The following GRM5 variants were observed in gnomAD, a reference collection of about 807,000 sequenced individuals.
GRM5 encodes metabotropic glutamate receptor 5.
GRM5 carries 19 observed loss-of-function variants against 83.1 expected under a neutral mutation model. The observed-to-expected ratio is 0.23, with a 90% confidence interval of 0.16 to 0.34. The LOEUF (loss-of-function observed/expected upper bound fraction) is 0.34, where lower values mean the gene tolerates loss of function less well. Among genes scored for constraint, GRM5 ranks in the 10% least tolerant of loss-of-function variants. The probability of loss-of-function intolerance (pLI) is 1.00; values close to 1 mark genes in which losing one functional copy is unlikely to be tolerated. For synonymous variants in GRM5, 675 were observed against 633.6 expected (o/e 1.07, Z -0.98); for missense variants, 1,160 against 1,588.3 (o/e 0.73, Z 4.58).
At chr11:88,775,873 C>G (rs1224835525) in intron 3 of GRM5, among the ~76,000 whole-genome samples, 1 of 150,530 alleles carries the variant, frequency 6.6e-6, no homozygotes, top group East Asian at 1.9e-4. Flanking sequence ...TGTGGTCAAT[C>G]TTAGAATAAG....
intron 7 of GRM5, among the ~76,000 whole-genome samples, chr11:88,577,238 A>G (rs1207180027): frequency 1.3e-5 from 2 of 152,000 alleles, no homozygotes; most frequent in Non-Finnish European, 2.9e-5. Context: ...TTCCAAGCCT[A>G]TTTGTTCCTA....
rs373254119 is a variant in GRM5 at position 88,505,851 on chromosome 11, A to G, written c.*2741T>C. On this transcript the variant is annotated 3_prime_UTR_variant, in exon 10 of 10. Transcript: ENST00000305447. The stretch of plus-strand genomic sequence containing the variant: ...ATTGTTTTGAAGGAAATTCAATGAG[A>G]ATGTACCCAAATGAATTGTGAAGTT... 12 of 152,326 alleles carry G rather than the reference A, an allele frequency of 7.9e-5. No individual in the cohort carries two copies. In the East Asian group the frequency reaches 2.3e-3, roughly 29 times the overall value. 9.4% of individuals were successfully genotyped at this position (152,326 alleles called of 1,614,324 possible).
intron 2 of GRM5, among the ~76,000 whole-genome samples, chr11:88,944,667 A>G (rs1938217307): frequency 1.3e-5 from 2 of 152,024 alleles, no homozygotes; most frequent in East Asian, 1.9e-4. Context: ...AATACACTGG[A>G]TTACAAAGGG....
chr11:88,532,541 TAAAG>T (rs1263991915), intron 8 of GRM5, among the ~76,000 whole-genome samples: 1 of 152,062 alleles, frequency 6.6e-6, no homozygotes, highest in East Asian at 1.9e-4. Flanking sequence ...TGCAGAGACT[TAAAG>T]AAAAATGACC....
chr11:88,789,365 GA>G (rs1943129667), intron 3 of GRM5, among the ~76,000 whole-genome samples: 1 of 151,214 alleles, frequency 6.6e-6, no homozygotes, highest in African/African-American at 2.4e-5. Flanking sequence ...AGAAAAAAAA[GA>G]AAAAAGAAAA....
chr11:88,866,481 C>T (rs1314568185), intron 2 of GRM5, among the ~76,000 whole-genome samples: 11 of 151,862 alleles, frequency 7.2e-5, no homozygotes, highest in South Asian at 2.1e-4. Context: ...CAGCAGACTA[C>T]CATGGCATGT....
intron 1 of GRM5, 34 bp downstream of exon 1, chr11:89,065,742 A>G (rs1472871698): frequency 4.6e-5 from 7 of 152,220 alleles, no homozygotes; most frequent in Non-Finnish European, 7.3e-5. Context: ...CGTGGTAACT[A>G]TAGCCAAGAG....
At chr11:89,004,357 T>C (rs1940467510) in intron 2 of GRM5, among the ~76,000 whole-genome samples, 1 of 152,212 alleles carries the variant, frequency 6.6e-6, no homozygotes, top group African/African-American at 2.4e-5. Context: ...AAGTCTCTAA[T>C]ATTGACATTT....
intron 3 of GRM5, among the ~76,000 whole-genome samples, chr11:88,775,830 T>C (rs2135455645): frequency 6.6e-6 from 1 of 152,338 alleles, no homozygotes; most frequent in South Asian, 2.1e-4. Flanking sequence ...TCTGCTTTTT[T>C]ACATTTGCTG....
At chr11:88,928,907 TACACACACAC>T (rs1555043262) in intron 2 of GRM5, among the ~76,000 whole-genome samples, 23 of 138,670 alleles carry the variant, frequency 1.7e-4, no homozygotes, top group Admixed American at 1.4e-4. Context: ...TATGTGTATA[TACACACACAC>T]ACACACACAC....
chr11:89,023,135 CAA>C (rs1236675573), intron 2 of GRM5, among the ~76,000 whole-genome samples: 2 of 135,138 alleles, frequency 1.5e-5, no homozygotes, highest in Non-Finnish European at 3.1e-5. Context: ...GAAGTATATG[CAA>C]AGAGTGTGTG....
At chr11:88,916,292 C>G (rs1273839752) in intron 2 of GRM5, among the ~76,000 whole-genome samples, 1 of 152,132 alleles carries the variant, frequency 6.6e-6, no homozygotes, top group Non-Finnish European at 1.5e-5. Flanking sequence ...CTTGCGTACA[C>G]CACCCCTCCC....
chr11:88,781,969 T>C (rs1023921393), intron 3 of GRM5, among the ~76,000 whole-genome samples: 3 of 152,178 alleles, frequency 2.0e-5, no homozygotes, highest in African/African-American at 4.8e-5. Context: ...CCTCACATGC[T>C]ATCCTTCTTG....
At chr11:89,064,297 A>G (rs1378529157) in intron 1 of GRM5, among the ~76,000 whole-genome samples, 1 of 152,190 alleles carries the variant, frequency 6.6e-6, no homozygotes, top group East Asian at 1.9e-4. Context: ...AACTTAAAGT[A>G]TAATAAAAAT....
intron 2 of GRM5, among the ~76,000 whole-genome samples, chr11:89,020,142 C>T (rs1161885278): frequency 6.6e-6 from 1 of 152,186 alleles, no homozygotes; most frequent in Non-Finnish European, 1.5e-5. Context: ...ATTTAACCCA[C>T]ATAATTACCA....
chr11:88,860,706 T>C (rs1944546538), intron 2 of GRM5, among the ~76,000 whole-genome samples: 1 of 152,202 alleles, frequency 6.6e-6, no homozygotes, highest in Non-Finnish European at 1.5e-5. Flanking sequence ...TTGGAAGGAC[T>C]TGGTGTCTAA....
chr11:88,524,672 G>T (rs931786292), intron 9 of GRM5, among the ~76,000 whole-genome samples: 1 of 152,172 alleles, frequency 6.6e-6, no homozygotes, highest in Non-Finnish European at 1.5e-5. Flanking sequence ...ACAGCACAGC[G>T]ACAGAGAATG....
intron 3 of GRM5, among the ~76,000 whole-genome samples, chr11:88,800,297 A>G (rs138719974): frequency 7.0e-4 from 107 of 152,188 alleles, no homozygotes; most frequent in Middle Eastern, 3.4e-3. Context: ...TCTCCAGCCA[A>G]AACAGTACTG....
intron 3 of GRM5, among the ~76,000 whole-genome samples, chr11:88,781,389 A>G (rs544195132): frequency 6.7e-4 from 102 of 152,268 alleles, no homozygotes; most frequent in Non-Finnish European, 1.2e-3. Context: ...GATACATTCA[A>G]GCATCCTAAT....
Sources: gnomAD v4.1 joint callset for allele counts (sites outside exome capture counted in the v4.1 genomes callset) on GRCh38, gnomAD v4.1.1 for gene constraint, MANE v1.5 for transcripts, NCBI Gene and HGNC (gene_info 2026-07-23, HGNC 2026-07-21) for gene names.